The following THSD4 variants were observed in gnomAD, a reference collection of about 807,000 sequenced individuals.
THSD4 encodes the protein thrombospondin type 1 domain containing 4.
In THSD4, 69 loss-of-function variants were observed where a neutral mutation model predicts 119.0. The ratio of observed to expected loss-of-function variants is 0.58; its 90% CI spans 0.48 to 0.71. THSD4 has a LOEUF of 0.71. THSD4 is among the 30% of genes least tolerant of loss of function. The pLI, the probability that THSD4 is intolerant of heterozygous loss-of-function variation, is 0.00. For synonymous variants in THSD4, 524 were observed against 540.4 expected, an observed-to-expected ratio of 0.97 and a Z score of 0.42; for missense variants, 1,393 against 1,391.1, an observed-to-expected ratio of 1.00 and a Z score of -0.02.
At chr15:71,161,752 T>C (rs1176467959) in intron 3 of THSD4, among the ~76,000 whole-genome samples, 1 of 151,990 alleles carries the variant, frequency 6.6e-6, no homozygotes, top group African/African-American at 2.4e-5. Flanking sequence ...TTCAAGGTTG[T>C]TATTGATAGG....
At chr15:71,764,786 A>T (rs1216426457) in intron 15 of THSD4, among the ~76,000 whole-genome samples, 2 of 152,242 alleles carry the variant, frequency 1.3e-5, no homozygotes. Flanking sequence ...AGTGACTAGC[A>T]TCCTCCAGGT....
chr15:71,374,048 CA>C (rs1029898815), intron 6 of THSD4, among the ~76,000 whole-genome samples: 15 of 152,154 alleles, frequency 9.9e-5, no homozygotes, highest in African/African-American at 3.6e-4. Context: ...GAATGATATG[CA>C]AAATGCTGGC....
intron 7 of THSD4, among the ~76,000 whole-genome samples, chr15:71,497,527 A>AG (rs373878375): frequency 6.6e-6 from 1 of 151,888 alleles, no homozygotes; most frequent in African/African-American, 2.4e-5. Context: ...ACAAAAAAAA[A>AG]GGCATATATG....
chr15:71,228,527 G>C (rs549928053), intron 4 of THSD4, among the ~76,000 whole-genome samples: 1 of 152,348 alleles, frequency 6.6e-6, no homozygotes, highest in Admixed American at 6.5e-5. Flanking sequence ...CTAATGCACT[G>C]TAAGAGGCTC....
intron 7 of THSD4, among the ~76,000 whole-genome samples, chr15:71,430,649 C>T (rs565898211): frequency 1.1e-3 from 157 of 147,668 alleles, no homozygotes; most frequent in African/African-American, 3.6e-3. Flanking sequence ...CCCAGCTACT[C>T]GGGAGGCTGA....
intron 7 of THSD4, among the ~76,000 whole-genome samples, chr15:71,529,187 G>T (rs1286568851): frequency 6.6e-6 from 1 of 152,174 alleles, no homozygotes; most frequent in Admixed American, 6.5e-5. Context: ...TTAAGTGGTT[G>T]TGTGGAGCTT....
intron 6 of THSD4, among the ~76,000 whole-genome samples, chr15:71,293,749 A>G (rs4777360): frequency 0.018 from 2,742 of 152,204 alleles, 38 homozygotes; most frequent in Non-Finnish European, 0.029. Flanking sequence ...TTGTCCTCAT[A>G]GGTTAAAACG....
At chr15:71,227,717 C>G (rs776452210) in intron 4 of THSD4, among the ~76,000 whole-genome samples, 1 of 152,196 alleles carries the variant, frequency 6.6e-6, no homozygotes, top group Non-Finnish European at 1.5e-5. Context: ...GCAGGGTTCC[C>G]TGACTCTAAC....
rs1356266423 is a variant in THSD4, at chr15:71,379,447, C to CT, written c.1016-32238dup. Among the ~76,000 whole-genome samples the CT allele has an allele frequency of 9.5e-4, 107 of 112,872 alleles. 2 individuals are homozygous for CT. The highest frequency in any genetic ancestry group is 3.2e-3 in the African/African-American group (100 of 31,460). 74.0% of individuals were successfully genotyped at this position (112,872 alleles called of 152,430 possible). A position where few individuals can be genotyped will look rare whatever the true frequency, so the allele number is the denominator to read the frequency against. ...TATGACAAATTACTGAAGCAAATGG[C>CT]TTCTTTTTTTTTTTTTTTTTTTTTT... On this transcript the variant is annotated intron_variant, in intron 6 of 17. Transcript: ENST00000261862.
rs137976717 is a variant in THSD4 at position 71,516,541 on chromosome 15, A to C, written c.1152+104718A>C. ...CATTTGCCAATCTTCAGTATAATGC[A>C]ATTGGAAAACATTGTCTAGTCTAGT... On this transcript the variant is annotated intron_variant, in intron 7 of 17. Transcript: ENST00000261862. Among the ~76,000 whole-genome samples, 467 of 152,368 alleles carry C rather than the reference A, an allele frequency of 3.1e-3. 5 individuals carry two copies. The highest frequency in any genetic ancestry group is 0.024 in the Middle Eastern group (7 of 294).
chr15:71,479,180 C>CTTT (rs5813637), intron 7 of THSD4, among the ~76,000 whole-genome samples: 14 of 80,144 alleles, frequency 1.7e-4, no homozygotes, highest in South Asian at 6.0e-4. Context: ...TTTCTTCTGC[C>CTTT]TTTTTTTTTT....
At chr15:71,120,039 C>T (rs1045055638) in intron 1 of THSD4, among the ~76,000 whole-genome samples, 2 of 152,214 alleles carry the variant, frequency 1.3e-5, no homozygotes, top group African/African-American at 2.4e-5. Flanking sequence ...GTGCTTGAGA[C>T]AATTGGAGCT....
At chr15:71,312,774 T>C (rs1321493791) in intron 6 of THSD4, among the ~76,000 whole-genome samples, 1 of 152,108 alleles carries the variant, frequency 6.6e-6, no homozygotes, top group Non-Finnish European at 1.5e-5. Flanking sequence ...ACAGGACCTT[T>C]GCACTTGCTC....
At chr15:71,410,149 A>T (rs2046665799) in intron 6 of THSD4, among the ~76,000 whole-genome samples, 1 of 152,158 alleles carries the variant, frequency 6.6e-6, no homozygotes, top group Non-Finnish European at 1.5e-5. Context: ...GGAGAGAAAG[A>T]CAAGGGGGAG....
Position 71,780,687 on chromosome 15 carries a change from A to C in THSD4, c.*3313A>C, listed in dbSNP as rs567997066. ...CCCGCCCCCAGGGAACTAGAACATG[A>C]CAAGAATTCTCCGCACTGTGCCTAC... On this transcript the variant is annotated 3_prime_UTR_variant, in exon 18 of 18. Transcript: ENST00000261862. The C allele has an allele frequency of 2.2e-6, 1 of 456,714 alleles. No homozygotes were observed. Among genetic ancestry groups the C allele is most frequent in the East Asian group, 6.9e-5 (1 of 14,394 alleles). 28.3% of individuals were successfully genotyped at this position (456,714 alleles called of 1,614,324 possible).
chr15:71,677,296 G>A (rs995714145), intron 8 of THSD4, among the ~76,000 whole-genome samples: 4 of 152,202 alleles, frequency 2.6e-5, no homozygotes, highest in Admixed American at 6.5e-5. Context: ...GTCAATGCTG[G>A]TAGATGAGGA....
In THSD4 at chr15:71,505,517, CAG is replaced by C. The variant is rs139233454; in HGVS notation, c.1152+93695_1152+93696del. ...GCCAAAAGTAGACAGCCAAATCAAA[CAG>C]GGGCAAAATTTGTGATTAAAATAGC... On this transcript the variant is annotated intron_variant, in intron 7 of 17. Coordinates refer to ENST00000261862, the MANE Select transcript of THSD4 (RefSeq NM_024817.3). Among the ~76,000 whole-genome samples the C allele has an allele frequency of 2.2e-3, 335 of 152,192 alleles. 2 individuals are homozygous for C. Among genetic ancestry groups the C allele is most frequent in the East Asian group, 0.013 (67 of 5,184 alleles).
At chr15:71,381,943 G>A (rs2046234373) in intron 6 of THSD4, among the ~76,000 whole-genome samples, 1 of 151,944 alleles carries the variant, frequency 6.6e-6, no homozygotes, top group South Asian at 2.1e-4. Flanking sequence ...CATCCTTTGC[G>A]ATTTTCCAGG....
chr15:71,777,077 A>G (rs914309687), intron 17 of THSD4, among the ~76,000 whole-genome samples, 155 bp from the exon 18 acceptor site: 3 of 152,244 alleles, frequency 2.0e-5, no homozygotes, highest in African/African-American at 7.2e-5. Flanking sequence ...AAAGAAAGAG[A>G]AAAACCTGTG....
Sources: allele counts gnomAD v4.1 joint callset (sites outside exome capture counted in the v4.1 genomes callset), GRCh38; gene constraint gnomAD v4.1.1; transcripts MANE v1.5; gene names NCBI Gene and HGNC (gene_info 2026-07-23, HGNC 2026-07-21).